The following LMBRD2 variants were observed in gnomAD, a reference collection of about 807,000 sequenced individuals.
LMBRD2 encodes G protein-coupled receptor-associated protein LMBRD2.
In LMBRD2, 55 loss-of-function variants were observed where a neutral mutation model predicts 94.4. The observed-to-expected ratio is 0.58, with a 90% CI of 0.47 to 0.73. The LOEUF (loss-of-function observed/expected upper bound fraction) is 0.73, where lower values mean the gene tolerates loss of function less well. LMBRD2 is among the 30% of genes least tolerant of loss of function. The pLI is 0.00. For missense variants in LMBRD2, 640 were observed against 831.9 expected, an observed-to-expected ratio of 0.77 and a Z score of 2.84; for synonymous variants, 246 against 272.4, an observed-to-expected ratio of 0.90 and a Z score of 0.95.
chr5:36,121,453 C>T (rs1052303056), intron 9 of LMBRD2, among the ~76,000 whole-genome samples: 1 of 152,140 alleles, frequency 6.6e-6, no homozygotes, highest in African/African-American at 2.4e-5. Flanking sequence ...CACTTTGGTA[C>T]TTGCTTTAAG....
intron 6 of LMBRD2, among the ~76,000 whole-genome samples, chr5:36,135,477 A>G (rs1012350244): frequency 3.3e-5 from 5 of 152,196 alleles, no homozygotes; most frequent in Non-Finnish European, 7.4e-5. Context: ...TGAGAAACCA[A>G]AGATGACCAG....
chr5:36,140,981 A>G, intron 4 of LMBRD2, 126 bp downstream of exon 4: 1 of 581,544 alleles, frequency 1.7e-6, no homozygotes, highest in South Asian at 2.3e-5. Flanking sequence ...GCAGAAAGAT[A>G]AAAATAATGG....
At position 36,122,397 on chromosome 5, in the gene LMBRD2, A is replaced by G; in HGVS notation, c.1003T>C (p.Phe335Leu). Residue 335 changes from phenylalanine (F) to leucine (L), a missense_variant, in exon 9 of 18, where the codon TTT becomes CTT. Phe to Leu is a conservative substitution (Grantham distance 22). This residue lies in a region of LMBRD2 where 457 missense variants were observed against 642.8 expected (regional missense o/e 0.71). Transcript: ENST00000296603. ...VQWQILLEQA[F>L]YLEDVAKNET... ...TTTTTTGCTACATCTTCTAGATAAA[A>G]TGCTTGTTCCAAAAGAATCTGCCAT... is the stretch of plus-strand genomic sequence containing the variant. The G allele has an allele frequency of 6.2e-7, 1 of 1,613,594 alleles. No homozygotes were observed. Among genetic ancestry groups the G allele is most frequent in the East Asian group, 2.2e-5 (1 of 44,852 alleles).
rs865957731 is a variant in LMBRD2, at chr5:36,101,548, T to C, written c.*2498A>G. On this transcript the variant is annotated 3_prime_UTR_variant, in exon 18 of 18. Coordinates refer to ENST00000296603, the MANE Select transcript of LMBRD2 (RefSeq NM_001007527.2). ...AATAAGCTTCTCAAAAGAGAAAACTTCTACCCATTACAGTTTTTTACACAG... is the reference window on the plus strand; with the variant it reads ...AATAAGCTTCTCAAAAGAGAAAACTCCTACCCATTACAGTTTTTTACACAG... The C allele has an allele frequency of 6.6e-6, 1 of 151,974 alleles. No homozygotes were observed. The highest frequency in any genetic ancestry group is 2.4e-5 in the African/African-American group (1 of 41,444). 9.4% of individuals were successfully genotyped at this position (151,974 alleles called of 1,614,324 possible).
chr5:36,147,192 C>T (rs1266779449), intron 1 of LMBRD2, among the ~76,000 whole-genome samples: 3 of 151,968 alleles, frequency 2.0e-5, no homozygotes, highest in Non-Finnish European at 4.4e-5. Flanking sequence ...AACTATATTG[C>T]CTTATTATGA....
intron 1 of LMBRD2, among the ~76,000 whole-genome samples, chr5:36,148,943 C>T (rs752736628): frequency 2.6e-5 from 4 of 152,132 alleles, no homozygotes; most frequent in Non-Finnish European, 4.4e-5. Flanking sequence ...AAGAATTTAA[C>T]GCAAACTTTT....
chr5:36,142,526 T>C lies in LMBRD2; in HGVS notation c.248A>G (p.Tyr83Cys), dbSNP rs1744435500. ...CCTTGGAACAGGGTTAGCAGTTGCGTACAATCCTGTAATGTTGCTATTCTC... is the reference window on the plus strand; with the variant it reads ...CCTTGGAACAGGGTTAGCAGTTGCGCACAATCCTGTAATGTTGCTATTCTC... The part of the protein sequence containing the change: ...PPENSNITGL[Y>C]ATANPVPSQH... The change falls in exon 3 of 18, where the codon TAC becomes TGC. Residue 83 changes from tyrosine to cysteine, a missense_variant. This residue lies in a region of LMBRD2 where 457 missense variants were observed against 642.8 expected (regional missense o/e 0.71). Transcript: ENST00000296603. 3.7e-6 allele frequency: 6 copies of C among 1,605,242 alleles called. No individual in the cohort carries two copies. Among genetic ancestry groups the C allele is most frequent in the East Asian group, 2.2e-5 (1 of 44,816 alleles).
Position 36,100,001 on chromosome 5 carries a change from T to G in LMBRD2, c.*4045A>C, listed in dbSNP as rs781271021. On this transcript the variant is annotated 3_prime_UTR_variant, in exon 18 of 18. Coordinates refer to ENST00000296603, the MANE Select transcript of LMBRD2 (RefSeq NM_001007527.2). Reference sequence around the variant, plus strand: ...CTCCTAGGGCCTTGTCTCCAGGAGTTGGGAAAGGGGAAAGAAAACATTGCC... The same window carrying G: ...CTCCTAGGGCCTTGTCTCCAGGAGTGGGGAAAGGGGAAAGAAAACATTGCC... The G allele has an allele frequency of 1.3e-5, 2 of 151,952 alleles. No homozygotes were observed. The highest frequency in any genetic ancestry group is 2.4e-5 in the African/African-American group (1 of 41,394). The allele number at this position is 151,952 out of a possible 1,614,324, so 9.4% of individuals were successfully genotyped here. A position where few individuals can be genotyped will look rare whatever the true frequency, so the allele number is the denominator to read the frequency against.
intron 16 of LMBRD2, 112 bp downstream of exon 16, chr5:36,108,422 C>A: frequency 4.0e-6 from 2 of 504,516 alleles, no homozygotes; most frequent in South Asian, 3.9e-5. Context: ...GCAAATATAC[C>A]ATTTATAATT....
intron 6 of LMBRD2, among the ~76,000 whole-genome samples, chr5:36,132,282 T>G (rs1326091737): frequency 2.6e-5 from 4 of 152,006 alleles, no homozygotes; most frequent in Admixed American, 2.6e-4. Flanking sequence ...ACTAGACCAG[T>G]TATCTCCCCA....
Position 36,132,094 on chromosome 5 carries a change from T to C in LMBRD2, c.747+4215A>G, listed in dbSNP as rs557671153. Among the ~76,000 whole-genome samples the C allele has an allele frequency of 1.1e-3, 162 of 152,104 alleles. 1 individual carries two copies. The highest frequency in any genetic ancestry group is 3.7e-3 in the African/African-American group (154 of 41,540). On this transcript the variant is annotated intron_variant, in intron 6 of 17. Transcript: ENST00000296603. ...TAATAAAGTGATAAACAAAACAGCA[T>C]GGTGTTAGGATAAAAACAGACCAAT...
chr5:36,146,941 A>AGTGTGTGTGTGT (rs371000455), intron 1 of LMBRD2, among the ~76,000 whole-genome samples: 9 of 139,370 alleles, frequency 6.5e-5, no homozygotes, highest in Non-Finnish European at 1.4e-4. Flanking sequence ...TGTGTGTGTG[A>AGTGTGTGTGTGT]GTGTGTGTGT....
intron 1 of LMBRD2, chr5:36,147,846 C>G (rs189176455): frequency 2.0e-4 from 84 of 419,968 alleles, no homozygotes; most frequent in Middle Eastern, 3.6e-4. Context: ...AAACAAAACA[C>G]TGACAACAAT....
intron 8 of LMBRD2, 55 bp downstream of exon 8, chr5:36,122,793 T>C (rs1214211779): frequency 6.5e-7 from 1 of 1,534,886 alleles, no homozygotes; most frequent in African/African-American, 1.4e-5. Context: ...GAGCAATGAT[T>C]AGAAGTCTAA....
chr5:36,102,186 C>G lies in LMBRD2; in HGVS notation c.*1860G>C, dbSNP rs1743360930. On this transcript the variant is annotated 3_prime_UTR_variant, in exon 18 of 18. Coordinates refer to ENST00000296603, the MANE Select transcript of LMBRD2 (RefSeq NM_001007527.2). ...GGATGATCATTTCCCCATCCAATAC[C>G]TTCAAGTATCACTAGGAAAAATAGC... The G allele has an allele frequency of 6.6e-6, 1 of 151,882 alleles. No homozygotes were observed. Among genetic ancestry groups the G allele is most frequent in the South Asian group, 2.1e-4 (1 of 4,830 alleles). The allele number at this position is 151,882 out of a possible 1,614,324, so 9.4% of individuals were successfully genotyped here.
intron 6 of LMBRD2, among the ~76,000 whole-genome samples, chr5:36,135,588 T>G (rs914663468): frequency 6.6e-6 from 1 of 152,172 alleles, no homozygotes; most frequent in Non-Finnish European, 1.5e-5. Flanking sequence ...TATTCTAACA[T>G]GAATGAAAAG....
chr5:36,110,206 T>C (rs1171143880), intron 14 of LMBRD2, among the ~76,000 whole-genome samples: 2 of 152,068 alleles, frequency 1.3e-5, no homozygotes, highest in African/African-American at 4.8e-5. Context: ...TAGTCTCCGC[T>C]TAAATAACTT....
rs190232171 is a variant in LMBRD2 at position 36,101,795 on chromosome 5, G to A, written c.*2251C>T. The A allele has an allele frequency of 2.6e-5, 4 of 151,842 alleles. No individual in the cohort carries two copies. Among genetic ancestry groups the A allele is most frequent in the African/African-American group, 4.8e-5 (2 of 41,492 alleles). The allele number at this position is 151,842 out of a possible 1,614,324, so 9.4% of individuals were successfully genotyped here. ...TGAAAGTCATAAAGGAATCTATACCGGTTGTGAAGTGTATGCACGTATACA... is the reference window on the plus strand; with the variant it reads ...TGAAAGTCATAAAGGAATCTATACCAGTTGTGAAGTGTATGCACGTATACA... On this transcript the variant is annotated 3_prime_UTR_variant, in exon 18 of 18. Transcript: ENST00000296603.
chr5:36,141,313 C>A, intron 3 of LMBRD2, 111 bp from the exon 4 acceptor site: 1 of 576,426 alleles, frequency 1.7e-6, no homozygotes, highest in South Asian at 2.8e-5. Context: ...AAATTACTGA[C>A]TCTAATAATC....
Sources: gnomAD v4.1 joint callset for allele counts (sites outside exome capture counted in the v4.1 genomes callset) on GRCh38, gnomAD v4.1.1 for gene constraint, gnomAD v4.1.1 regional missense constraint, MANE v1.5 for transcripts, NCBI Gene and HGNC (gene_info 2026-07-23, HGNC 2026-07-21) for gene names.